The following PRKAR1B variants were observed in gnomAD, a reference collection of about 807,000 sequenced individuals.
PRKAR1B encodes the protein protein kinase cAMP-dependent type I regulatory subunit beta.
A neutral mutation model predicts 46.5 loss-of-function variants in PRKAR1B; 22 were observed. The observed-to-expected ratio is 0.47, with a 90% CI of 0.34 to 0.68. The LOEUF (loss-of-function observed/expected upper bound fraction) is 0.68. Ranked by LOEUF, PRKAR1B falls within the 30% of genes least tolerant of loss-of-function variation. The pLI is 0.01. For missense variants in PRKAR1B, 445 were observed against 535.6 expected, an observed-to-expected ratio of 0.83 and a Z score of 1.67; for synonymous variants, 259 against 217.7, an observed-to-expected ratio of 1.19 and a Z score of -1.67.
chr7:675,865 G>A (rs1338539574), intron 4 of PRKAR1B, among the ~76,000 whole-genome samples: 1 of 152,170 alleles, frequency 6.6e-6, no homozygotes, highest in Non-Finnish European at 1.5e-5. Flanking sequence ...AGAATCGCTT[G>A]AACCCAGGTG....
chr7:585,553 G>A (rs1447897286), intron 7 of PRKAR1B, among the ~76,000 whole-genome samples: 3 of 151,986 alleles, frequency 2.0e-5, no homozygotes, highest in Non-Finnish European at 2.9e-5. Flanking sequence ...CGACATGCTA[G>A]TGATGAGGTT....
intron 9 of PRKAR1B, among the ~76,000 whole-genome samples, chr7:576,449 A>AC (rs1228302149): frequency 6.6e-6 from 1 of 151,924 alleles, no homozygotes; most frequent in South Asian, 2.1e-4. Flanking sequence ...CCCCGCAAGG[A>AC]CCCCCTTCGT....
chr7:601,801 C>T (rs1432508307), intron 6 of PRKAR1B, among the ~76,000 whole-genome samples: 2 of 152,122 alleles, frequency 1.3e-5, no homozygotes, highest in East Asian at 3.9e-4. Context: ...AGGAAGTGGG[C>T]ATCCACCCAC....
At chr7:579,422 C>T in intron 8 of PRKAR1B, 45 bp from the exon 9 acceptor site, 1 of 1,606,312 alleles carries the variant, frequency 6.2e-7, no homozygotes, top group Non-Finnish European at 8.5e-7. Context: ...GCCCACGCCC[C>T]CACAGCCACA....
At chr7:717,429 G>A (rs1780920679) in intron 1 of PRKAR1B, among the ~76,000 whole-genome samples, 1 of 152,146 alleles carries the variant, frequency 6.6e-6, no homozygotes, top group African/African-American at 2.4e-5. Context: ...GGCCAAAAGA[G>A]GAGGATCACT....
At chr7:726,884 G>A in intron 1 of PRKAR1B, 2 of 1,327,062 alleles carry the variant, frequency 1.5e-6, no homozygotes, top group Non-Finnish European at 1.9e-6. Flanking sequence ...GCCCTGCGGC[G>A]CGCGCTGGAG....
At chr7:670,796 C>T (rs998199449) in intron 4 of PRKAR1B, among the ~76,000 whole-genome samples, 3 of 151,458 alleles carry the variant, frequency 2.0e-5, no homozygotes, top group South Asian at 2.1e-4. Context: ...GGACCGAAGA[C>T]GGCCTCCGAG....
chr7:675,958 T>C (rs946268868), intron 4 of PRKAR1B, among the ~76,000 whole-genome samples: 4 of 151,832 alleles, frequency 2.6e-5, no homozygotes, highest in Non-Finnish European at 5.9e-5. Flanking sequence ...ATAATAATAA[T>C]AATAGAGATT....
At chr7:572,927 G>C (rs1003443421) in intron 9 of PRKAR1B, among the ~76,000 whole-genome samples, 1 of 152,244 alleles carries the variant, frequency 6.6e-6, no homozygotes, top group Admixed American at 6.5e-5. Context: ...GAGAGCGAGG[G>C]ACCGGCATCT....
At chr7:662,095 C>G (rs1288404668) in intron 4 of PRKAR1B, among the ~76,000 whole-genome samples, 3 of 103,394 alleles carry the variant, frequency 2.9e-5, no homozygotes, top group Non-Finnish European at 5.9e-5. Flanking sequence ...TACTCTCCCC[C>G]CCATGGCACA....
At chr7:725,744 C>T (rs1003303384) in intron 1 of PRKAR1B, among the ~76,000 whole-genome samples, 6 of 152,128 alleles carry the variant, frequency 3.9e-5, no homozygotes, top group African/African-American at 1.4e-4. Context: ...CACAAGATTC[C>T]AAACCTCCCC....
intron 7 of PRKAR1B, among the ~76,000 whole-genome samples, chr7:595,505 C>T (rs543238267): frequency 1.1e-3 from 165 of 152,216 alleles, no homozygotes; most frequent in Non-Finnish European, 2.0e-3. Flanking sequence ...GGGGTGTGTG[C>T]GGGGAGGGCG....
intron 2 of PRKAR1B, among the ~76,000 whole-genome samples, chr7:694,929 G>A (rs529574331): frequency 1.3e-5 from 2 of 152,078 alleles, no homozygotes; most frequent in East Asian, 3.9e-4. Context: ...CCAGCTACTC[G>A]GGAGGCTGAG....
intron 8 of PRKAR1B, among the ~76,000 whole-genome samples, chr7:584,022 ATCCTTCCCGGAAC>A (rs1375946102): frequency 6.6e-6 from 1 of 152,232 alleles, no homozygotes; most frequent in African/African-American, 2.4e-5. Flanking sequence ...GCCTGCCGTT[ATCCTTCCCGGAAC>A]TGAGAGCAAT....
chr7:686,257 T>C (rs1460439154), intron 2 of PRKAR1B, among the ~76,000 whole-genome samples: 2 of 151,272 alleles, frequency 1.3e-5, no homozygotes, highest in Non-Finnish European at 2.9e-5. Flanking sequence ...GCCGAAATCG[T>C]ACCACTGCAC....
chr7:708,790 AT>A (rs367689443), intron 2 of PRKAR1B, among the ~76,000 whole-genome samples: 17,145 of 131,682 alleles, frequency 0.13, 1,151 homozygotes, highest in Middle Eastern at 0.24. Context: ...CCCGGCCCCA[AT>A]TTTTTTTTTT....
intron 7 of PRKAR1B, among the ~76,000 whole-genome samples, chr7:594,469 C>G (rs939962065): frequency 2.0e-5 from 3 of 152,210 alleles, no homozygotes; most frequent in East Asian, 3.9e-4. Context: ...GTGTCACCCC[C>G]AACCAGCTCA....
chr7:721,445 T>C (rs1423320929), intron 1 of PRKAR1B, among the ~76,000 whole-genome samples: 2 of 152,062 alleles, frequency 1.3e-5, no homozygotes, highest in African/African-American at 2.4e-5. Flanking sequence ...AGTCAGGAGT[T>C]CAAGACCAGC....
intron 9 of PRKAR1B, among the ~76,000 whole-genome samples, chr7:562,405 G>T (rs987590341): frequency 3.3e-5 from 5 of 152,140 alleles, no homozygotes; most frequent in Non-Finnish European, 7.4e-5. Context: ...CCAACTCCTC[G>T]TCTGCCCCCA....
Sources: allele counts gnomAD v4.1 joint callset (sites outside exome capture counted in the v4.1 genomes callset), GRCh38; gene constraint gnomAD v4.1.1; transcripts MANE v1.5; gene names NCBI Gene and HGNC (gene_info 2026-07-23, HGNC 2026-07-21).